The following PTBP2 variants were observed in gnomAD, a reference collection of about 807,000 sequenced individuals.
PTBP2 encodes the protein polypyrimidine tract binding protein 2.
PTBP2 carries 13 observed loss-of-function variants against 61.4 expected under a neutral mutation model. The ratio of observed to expected loss-of-function variants is 0.21; its 90% CI spans 0.14 to 0.34. The LOEUF is 0.34. PTBP2 is among the 10% of genes least tolerant of loss of function. The probability of loss-of-function intolerance (pLI) is 1.00; values close to 1 mark genes in which losing one functional copy is unlikely to be tolerated. For missense variants in PTBP2, 405 were observed against 642.6 expected, an observed-to-expected ratio of 0.63 and a Z score of 4.00; for synonymous variants, 215 against 218.5, an observed-to-expected ratio of 0.98 and a Z score of 0.14.
Position 96,753,068 on chromosome 1 carries a change from T to C in PTBP2, c.115+1568T>C, listed in dbSNP as rs1168413254. 2.6e-5 allele frequency among the ~76,000 whole-genome samples: 4 copies of C among 152,072 alleles called. No homozygotes were observed. In the East Asian group the frequency reaches 7.7e-4, roughly 29 times the overall value. On this transcript the variant is annotated intron_variant, in intron 3 of 13. Coordinates refer to ENST00000674951, the MANE Select transcript of PTBP2 (RefSeq NM_021190.4). The stretch of plus-strand genomic sequence containing the variant: ...AGAAGTCCTGGAGAAAAGAGAGCTG[T>C]CTAGGGGTTTAGGAATAGAGCAGGG...
At chr1:96,755,783 A>G (rs1467043816) in intron 3 of PTBP2, among the ~76,000 whole-genome samples, 8 of 152,198 alleles carry the variant, frequency 5.3e-5, no homozygotes, top group Non-Finnish European at 1.2e-4. Flanking sequence ...GGGAAATGCA[A>G]ACTAATCTAA....
chr1:96,820,076 C>T (rs1557790425), exon 14 of PTBP2: 1 of 151,852 alleles, frequency 6.6e-6, no homozygotes, highest in Non-Finnish European at 1.5e-5. Flanking sequence ...TAGACATTGA[C>T]ATAAGAGACA....
At chr1:96,738,458 A>G (rs1652535835) in intron 2 of PTBP2, among the ~76,000 whole-genome samples, 1 of 151,634 alleles carries the variant, frequency 6.6e-6, no homozygotes, top group Non-Finnish European at 1.5e-5. Context: ...TATTTTTAGT[A>G]GAGATGGGGT....
At chr1:96,772,984 A>G (rs1570893917) in intron 5 of PTBP2, among the ~76,000 whole-genome samples, 1 of 151,560 alleles carries the variant, frequency 6.6e-6, no homozygotes, top group South Asian at 2.1e-4. Context: ...TTAGCCAGGC[A>G]TGGTGCCAGG....
At chr1:96,742,662 CTTTT>C (rs373120041) in intron 2 of PTBP2, among the ~76,000 whole-genome samples, 1 of 120,018 alleles carries the variant, frequency 8.3e-6, no homozygotes, top group African/African-American at 3.0e-5. Flanking sequence ...ATAGCTTTGG[CTTTT>C]TTTTTTTTTT....
At chr1:96,742,159 A>G (rs954507584) in intron 2 of PTBP2, among the ~76,000 whole-genome samples, 2 of 152,226 alleles carry the variant, frequency 1.3e-5, no homozygotes, top group Non-Finnish European at 2.9e-5. Context: ...TGCATTATCA[A>G]AATAAAATGG....
At chr1:96,742,113 C>T (rs1653114751) in intron 2 of PTBP2, among the ~76,000 whole-genome samples, 1 of 152,050 alleles carries the variant, frequency 6.6e-6, no homozygotes, top group South Asian at 2.1e-4. Flanking sequence ...TTATACTTGC[C>T]TTAAATTTAG....
chr1:96,769,573 G>T, intron 3 of PTBP2, 130 bp from the exon 4 acceptor site: 2 of 567,764 alleles, frequency 3.5e-6, no homozygotes, highest in South Asian at 4.3e-5. Context: ...GAATTTTCAA[G>T]AATTATTTAA....
chr1:96,750,232 A>G (rs1654365959), intron 2 of PTBP2, among the ~76,000 whole-genome samples: 1 of 152,048 alleles, frequency 6.6e-6, no homozygotes, highest in Non-Finnish European at 1.5e-5. Context: ...GATCTTAGGG[A>G]CTACACTGTG....
In PTBP2 at chr1:96,812,795, C is replaced by G; in HGVS notation, c.1255C>G (p.Arg419Gly). The G allele has an allele frequency of 6.2e-7, 1 of 1,611,754 alleles. No individual in the cohort carries two copies. The highest frequency in any genetic ancestry group is 8.5e-7 in the Non-Finnish European group (1 of 1,177,962). The change falls in exon 12 of 14, where the codon CGA becomes GGA. Residue 419 changes from arginine (R) to glycine (G), a missense_variant. By Grantham distance (125) the Arg-to-Gly change is moderately radical. This residue lies in a region of PTBP2 where 18 missense variants were observed against 69.6 expected (regional missense o/e 0.26). Coordinates refer to ENST00000674951, the MANE Select transcript of PTBP2 (RefSeq NM_021190.4). ...TAAACATCAGACTGTACAGCTACCT[C>G]GAGAGGGACTTGATGATCAAGGGCT... ...LSKHQTVQLPREGLDDQGLTK... is the reference protein window; with the variant it reads ...LSKHQTVQLPGEGLDDQGLTK...
At chr1:96,735,144 C>T (rs910242727) in intron 2 of PTBP2, among the ~76,000 whole-genome samples, 1 of 152,062 alleles carries the variant, frequency 6.6e-6, no homozygotes, top group African/African-American at 2.4e-5. Context: ...CTTGGAACTC[C>T]TGACCTCAAG....
At chr1:96,781,272 T>G (rs1340606387) in intron 7 of PTBP2, among the ~76,000 whole-genome samples, 2 of 151,980 alleles carry the variant, frequency 1.3e-5, no homozygotes, top group African/African-American at 4.8e-5. Context: ...TTCCCCTACC[T>G]CCATTATTTT....
At chr1:96,732,837 A>C (rs2100814228) in intron 2 of PTBP2, among the ~76,000 whole-genome samples, 1 of 152,286 alleles carries the variant, frequency 6.6e-6, no homozygotes, top group Non-Finnish European at 1.5e-5. Context: ...CAGTGAGTTG[A>C]ATAGTTTGGC....
At chr1:96,759,674 G>GAC (rs1312077408) in intron 3 of PTBP2, among the ~76,000 whole-genome samples, 5 of 152,022 alleles carry the variant, frequency 3.3e-5, no homozygotes, top group Non-Finnish European at 5.9e-5. Flanking sequence ...ATATAAACTT[G>GAC]ACTCCATCAA....
intron 3 of PTBP2, among the ~76,000 whole-genome samples, 194 bp downstream of exon 3, chr1:96,751,694 G>A (rs577310254): frequency 2.7e-5 from 4 of 148,948 alleles, no homozygotes; most frequent in Non-Finnish European, 5.9e-5. Context: ...TAACTTTGGT[G>A]AACAAGTTAC....
At chr1:96,763,652 A>G (rs184574929) in intron 3 of PTBP2, among the ~76,000 whole-genome samples, 1 of 149,728 alleles carries the variant, frequency 6.7e-6, no homozygotes, top group East Asian at 2.0e-4. Context: ...TTTTTTAACT[A>G]TGCTTTAGGG....
chr1:96,780,113 T>C (rs1658486016), intron 7 of PTBP2, among the ~76,000 whole-genome samples: 1 of 152,042 alleles, frequency 6.6e-6, no homozygotes, highest in African/African-American at 2.4e-5. Context: ...ATACTCACAC[T>C]TGTCTTTCTC....
At chr1:96,765,686 G>A (rs1431785587) in intron 3 of PTBP2, among the ~76,000 whole-genome samples, 2 of 149,468 alleles carry the variant, frequency 1.3e-5, no homozygotes, top group Admixed American at 1.3e-4. Flanking sequence ...ACTCCAGCCT[G>A]GCAATACAGC....
At chr1:96,783,938 C>T (rs1265429133) in intron 7 of PTBP2, among the ~76,000 whole-genome samples, 1 of 151,956 alleles carries the variant, frequency 6.6e-6, no homozygotes, top group African/African-American at 2.4e-5. Context: ...GTGGATGAAT[C>T]TGTGTTGAAT....
Sources: gnomAD v4.1 joint callset for allele counts (sites outside exome capture counted in the v4.1 genomes callset) on GRCh38, gnomAD v4.1.1 for gene constraint, gnomAD v4.1.1 regional missense constraint, MANE v1.5 for transcripts, NCBI Gene and HGNC (gene_info 2026-07-23, HGNC 2026-07-21) for gene names.